Variants in DENND1A observed in about 807,000 individuals in gnomAD.
DENND1A encodes DENN domain containing 1A, also known as DENN domain-containing protein 1A.
Under a neutral mutation model 113.7 loss-of-function variants are expected in DENND1A, and 51 were observed. That is an observed-to-expected ratio of 0.45 (90% CI 0.36 to 0.57). DENND1A has a LOEUF of 0.57. Ranked by LOEUF, DENND1A falls within the 20% of genes least tolerant of loss-of-function variation. The probability of loss-of-function intolerance (pLI) is 0.00; values close to 1 mark genes in which losing one functional copy is unlikely to be tolerated. For synonymous variants in DENND1A, 565 were observed against 570.8 expected (o/e 0.99, Z 0.14); for missense variants, 1,258 against 1,395.9 (o/e 0.90, Z 1.57).
intron 12 of DENND1A, among the ~76,000 whole-genome samples, chr9:123,558,787 C>A (rs553314261): frequency 5.3e-5 from 8 of 152,216 alleles, no homozygotes; most frequent in African/African-American, 1.9e-4. Flanking sequence ...ACACCTTTCA[C>A]GCTGCGTTCC....
intron 10 of DENND1A, among the ~76,000 whole-genome samples, chr9:123,610,549 G>C (rs1259538003): frequency 6.6e-6 from 1 of 152,280 alleles, no homozygotes; most frequent in Non-Finnish European, 1.5e-5. Context: ...CTTTCCTTTG[G>C]GTTAGGGGAA....
chr9:123,852,666 A>G (rs537416987), intron 2 of DENND1A, among the ~76,000 whole-genome samples: 8 of 152,288 alleles, frequency 5.3e-5, no homozygotes, highest in African/African-American at 1.4e-4. Context: ...GGCCTCAGTT[A>G]AACATTTAGG....
At chr9:123,448,749 T>A (rs1588582328) in intron 18 of DENND1A, among the ~76,000 whole-genome samples, 2 of 152,214 alleles carry the variant, frequency 1.3e-5, no homozygotes, top group South Asian at 4.1e-4. Context: ...TCTCAGCTGT[T>A]AAAAATCCAC....
chr9:123,611,510 A>G (rs752280103), intron 10 of DENND1A, among the ~76,000 whole-genome samples: 4 of 152,244 alleles, frequency 2.6e-5, no homozygotes, highest in African/African-American at 9.6e-5. Context: ...AATGAAAGGA[A>G]GCAGGAAGAG....
chr9:123,421,545 T>A (rs2045305340), intron 19 of DENND1A, among the ~76,000 whole-genome samples: 1 of 152,052 alleles, frequency 6.6e-6, no homozygotes, highest in South Asian at 2.1e-4. Context: ...CACAGAAAGG[T>A]TTGTCTTTGC....
In DENND1A at chr9:123,381,292, G is replaced by C; in HGVS notation, c.*140C>G. The C allele has an allele frequency of 1.3e-6, 1 of 758,898 alleles. No homozygotes were observed. Among genetic ancestry groups the C allele is most frequent in the Non-Finnish European group, 2.1e-6 (1 of 471,084 alleles). The allele number at this position is 758,898 out of a possible 1,614,324, so 47.0% of individuals were successfully genotyped here. A position where few individuals can be genotyped will look rare whatever the true frequency, so the allele number is the denominator to read the frequency against. ...CATCAGAGATGGGCAGTGTGGAGGG[G>C]AGGAGGGGGCAGCAGAGAGGGGTCC... On this transcript the variant is annotated 3_prime_UTR_variant, in exon 24 of 24. Coordinates refer to ENST00000394215, the MANE Select transcript of DENND1A (RefSeq NM_001352964.2). This position sits in a 1 kb window ranked among gnomAD's most constrained non-coding sequence, Gnocchi z 4.7.
At chr9:123,886,972 A>G (rs192285882) in intron 1 of DENND1A, among the ~76,000 whole-genome samples, 1 of 152,308 alleles carries the variant, frequency 6.6e-6, no homozygotes, top group African/African-American at 2.4e-5. Context: ...AAGATTCTTA[A>G]GCCTCTAAGT....
chr9:123,743,775 A>AAT (rs1164633763), intron 5 of DENND1A, among the ~76,000 whole-genome samples: 8 of 151,978 alleles, frequency 5.3e-5, no homozygotes, highest in Non-Finnish European at 1.2e-4. Context: ...TTAAATTAAA[A>AAT]ATATATATAC....
At chr9:123,395,088 G>A (rs1286233563) in intron 21 of DENND1A, among the ~76,000 whole-genome samples, 1 of 152,194 alleles carries the variant, frequency 6.6e-6, no homozygotes, top group East Asian at 1.9e-4. Context: ...CACAAAACAG[G>A]CAGTTGAGAA....
intron 2 of DENND1A, among the ~76,000 whole-genome samples, chr9:123,816,194 GT>G (rs1837457407): frequency 6.6e-6 from 1 of 151,916 alleles, no homozygotes; most frequent in African/African-American, 2.4e-5. Context: ...TAGAGATGGG[GT>G]TTCACCATGT....
intron 13 of DENND1A, among the ~76,000 whole-genome samples, chr9:123,483,868 G>C (rs569241220): frequency 6.6e-6 from 1 of 152,218 alleles, no homozygotes; most frequent in African/African-American, 2.4e-5. Flanking sequence ...GTGTAAGAGA[G>C]ACTCAGTTGT....
At chr9:123,795,974 C>T (rs558809273) in intron 2 of DENND1A, among the ~76,000 whole-genome samples, 1 of 152,286 alleles carries the variant, frequency 6.6e-6, no homozygotes, top group East Asian at 1.9e-4. Context: ...GTACATAGCA[C>T]ACCCTTCTTT....
At chr9:123,617,233 A>G (rs1040803034) in intron 10 of DENND1A, among the ~76,000 whole-genome samples, 1 of 152,346 alleles carries the variant, frequency 6.6e-6, no homozygotes, top group Middle Eastern at 3.4e-3. Flanking sequence ...ATGACGATCC[A>G]TGAGGAGACC....
At chr9:123,481,406 A>G (rs1448670622) in intron 13 of DENND1A, among the ~76,000 whole-genome samples, 1 of 152,232 alleles carries the variant, frequency 6.6e-6, no homozygotes, top group Non-Finnish European at 1.5e-5. Context: ...AGGGAAGCCC[A>G]GGCACCAGGA....
intron 5 of DENND1A, among the ~76,000 whole-genome samples, chr9:123,725,094 G>A (rs574694281): frequency 2.0e-5 from 3 of 152,268 alleles, no homozygotes; most frequent in East Asian, 3.9e-4. Context: ...CAATTGTAAC[G>A]CCATTCAGAG....
chr9:123,497,691 T>C (rs149641784), intron 13 of DENND1A, among the ~76,000 whole-genome samples: 1 of 152,116 alleles, frequency 6.6e-6, no homozygotes, highest in Non-Finnish European at 1.5e-5. Context: ...CAGAAGAGCC[T>C]TATGAGCATT....
chr9:123,710,836 C>G (rs548229123), intron 5 of DENND1A, among the ~76,000 whole-genome samples: 4 of 151,920 alleles, frequency 2.6e-5, no homozygotes, highest in Non-Finnish European at 5.9e-5. Context: ...CCATGCCAGG[C>G]TAATTTTTGT....
chr9:123,496,779 C>T (rs745468827), intron 13 of DENND1A, among the ~76,000 whole-genome samples: 7 of 152,334 alleles, frequency 4.6e-5, no homozygotes, highest in East Asian at 3.9e-4. Context: ...GTTATTGATG[C>T]GCTGGTACAC....
At chr9:123,726,125 C>T (rs1824035262) in intron 5 of DENND1A, among the ~76,000 whole-genome samples, 1 of 152,160 alleles carries the variant, frequency 6.6e-6, no homozygotes, top group South Asian at 2.1e-4. Flanking sequence ...ATTGATTTCC[C>T]TCTCAAATAT....
Sources: allele counts gnomAD v4.1 joint callset (sites outside exome capture counted in the v4.1 genomes callset), GRCh38; gene constraint gnomAD v4.1.1; non-coding constraint Gnocchi (gnomAD v3.1); transcripts MANE v1.5; gene names NCBI Gene and HGNC (gene_info 2026-07-23, HGNC 2026-07-21).